CLTC: variants seen among roughly 807,000 people sequenced by gnomAD.
CLTC encodes the protein clathrin heavy chain.
A neutral mutation model predicts 195.8 loss-of-function variants in CLTC; 16 were observed. The ratio of observed to expected loss-of-function variants is 0.08; its 90% CI spans 0.06 to 0.12. CLTC has a LOEUF of 0.12. Ranked by LOEUF, CLTC falls within the 10% of genes least tolerant of loss-of-function variation. The pLI is 1.00. For missense variants in CLTC, 796 were observed against 2,027.0 expected (o/e 0.39, Z 11.66); for synonymous variants, 667 against 689.4 (o/e 0.97, Z 0.51).
chr17:59,647,794 T>G (rs554036467), intron 3 of CLTC, 128 bp downstream of exon 3: 1 of 820,380 alleles, frequency 1.2e-6, no homozygotes, highest in South Asian at 1.8e-5. Context: ...TTGGAAGACT[T>G]TTTTTTTCCT....
intron 13 of CLTC, among the ~76,000 whole-genome samples, chr17:59,668,080 C>T (rs768931622): frequency 1.3e-5 from 2 of 152,210 alleles, no homozygotes; most frequent in African/African-American, 2.4e-5. Context: ...ACTCTAGCCA[C>T]ATTTCAAGTG....
intron 30 of CLTC, among the ~76,000 whole-genome samples, chr17:59,686,190 C>G (rs2033179744): frequency 6.6e-6 from 1 of 151,844 alleles, no homozygotes; most frequent in African/African-American, 2.4e-5. Flanking sequence ...ATGTCTATGC[C>G]TGTTTCCCCT....
In CLTC at chr17:59,685,047, T is replaced by A. The variant is rs1046812249; in HGVS notation, c.4435-9T>A. 1.3e-6 allele frequency: 2 copies of A among 1,503,246 alleles called. No homozygotes were observed. The highest frequency in any genetic ancestry group is 2.1e-5 in the Admixed American group (1 of 48,604). 93.1% of individuals were successfully genotyped at this position (1,503,246 alleles called of 1,614,324 possible). On this transcript the variant is annotated splice_polypyrimidine_tract_variant and intron_variant, in intron 28 of 31. Transcript: ENST00000269122. The surrounding 1 kb of genome is among the most constrained non-coding windows in gnomAD (Gnocchi z 5.0). Reference sequence around the variant, plus strand: ...TGATCTGGCATTTGGATGGCTTTTTTTTTTTAAGGCTCTGCGAACATCAAT... The same window carrying A: ...TGATCTGGCATTTGGATGGCTTTTTATTTTTAAGGCTCTGCGAACATCAAT...
intron 1 of CLTC, among the ~76,000 whole-genome samples, chr17:59,627,513 T>C (rs963083951): frequency 2.6e-5 from 4 of 152,212 alleles, no homozygotes; most frequent in Non-Finnish European, 5.9e-5. Context: ...ATGGTCTGTA[T>C]CATTTGAATT....
Position 59,674,908 on chromosome 17 carries a change from G to A in CLTC, c.2561+65G>A, listed in dbSNP as rs928406712. ...AACATGGCAATAGATAAAAATATAG[G>A]TAGTCATTTGTTCCAAAGCTACTAA... On this transcript the variant is annotated intron_variant, in intron 16 of 31. Coordinates refer to ENST00000269122, the MANE Select transcript of CLTC (RefSeq NM_004859.4). The A allele has an allele frequency of 8.9e-6, 13 of 1,460,574 alleles. No homozygotes were observed. The African/African-American group carries it at 1.8e-4, about 21-fold the overall frequency. 90.5% of individuals were successfully genotyped at this position (1,460,574 alleles called of 1,614,324 possible).
chr17:59,678,733 G>T (rs1220242306), intron 17 of CLTC, among the ~76,000 whole-genome samples: 5 of 152,176 alleles, frequency 3.3e-5, no homozygotes, highest in Non-Finnish European at 7.4e-5. Flanking sequence ...CAGGTGAGTG[G>T]CTCACTCCTA....
At chr17:59,690,557 A>C in intron 30 of CLTC, 79 bp from the exon 31 acceptor site, 2 of 945,198 alleles carry the variant, frequency 2.1e-6, no homozygotes, top group Non-Finnish European at 1.7e-6. Context: ...TAACATACTA[A>C]GGCTTTTCCA....
chr17:59,632,596 T>C (rs1333159108), intron 1 of CLTC, among the ~76,000 whole-genome samples: 1 of 152,094 alleles, frequency 6.6e-6, no homozygotes, highest in Non-Finnish European at 1.5e-5. Flanking sequence ...TGAGCCGAGA[T>C]TGCGCCACTG....
At chr17:59,629,606 T>C (rs899446359) in intron 1 of CLTC, among the ~76,000 whole-genome samples, 1 of 150,948 alleles carries the variant, frequency 6.6e-6, no homozygotes. Flanking sequence ...CTGCAACTTC[T>C]GCCTCCCGGG....
intron 5 of CLTC, among the ~76,000 whole-genome samples, chr17:59,655,412 G>A (rs2877976): frequency 0.82 from 124,835 of 152,174 alleles, 51,462 homozygotes; most frequent in South Asian, 0.94. Context: ...AGATCAACAT[G>A]ACAGATACAA....
intron 1 of CLTC, among the ~76,000 whole-genome samples, chr17:59,625,520 A>G (rs1158872335): frequency 1.3e-5 from 2 of 152,118 alleles, no homozygotes; most frequent in Admixed American, 1.3e-4. Flanking sequence ...TACAGTTAGA[A>G]AGGCAGATTT....
At chr17:59,645,338 A>G (rs1426156322) in intron 2 of CLTC, among the ~76,000 whole-genome samples, 1 of 152,148 alleles carries the variant, frequency 6.6e-6, no homozygotes, top group African/African-American at 2.4e-5. Flanking sequence ...AGTGAAGGGT[A>G]TTTGAGTTTA....
intron 5 of CLTC, among the ~76,000 whole-genome samples, chr17:59,653,200 ATT>A (rs1382794339): frequency 6.7e-6 from 1 of 148,432 alleles, no homozygotes; most frequent in Non-Finnish European, 1.5e-5. Flanking sequence ...TATTTTATTT[ATT>A]TTTTTTTTTG....
At position 59,681,414 on chromosome 17, in the gene CLTC, A is replaced by G; in HGVS notation, c.3185A>G (p.Asn1062Ser). 5.0e-6 allele frequency: 8 copies of G among 1,614,118 alleles called. No homozygotes were observed. The highest frequency in any genetic ancestry group is 6.8e-6 in the Non-Finnish European group (8 of 1,180,000). Reference protein sequence around the residue: ...APDIANIAISNELFEEAFAIF... With the variant: ...APDIANIAISSELFEEAFAIF... ...GATATTGCCAATATCGCCATCAGCA[A>G]TGAGCTGTTTGAAGAAGCATTTGCC... Residue 1062 changes from asparagine (N) to serine (S), a missense_variant, in exon 20 of 32, where the codon AAT becomes AGT. Physicochemically the swap from Asn to Ser is conservative, Grantham distance 46. Transcript: ENST00000269122. This position sits in a 1 kb window ranked among gnomAD's most constrained non-coding sequence, Gnocchi z 5.0.
chr17:59,652,931 T>A (rs757282637), intron 5 of CLTC, among the ~76,000 whole-genome samples: 43 of 152,344 alleles, frequency 2.8e-4, no homozygotes, highest in Non-Finnish European at 4.7e-4. Flanking sequence ...AGATCTTCCA[T>A]ATAACTTGCT....
In CLTC at chr17:59,663,830, T is replaced by C; in HGVS notation, c.1369-12T>C. The C allele has an allele frequency of 6.2e-7, 1 of 1,606,794 alleles. No individual in the cohort carries two copies. The highest frequency in any genetic ancestry group is 8.5e-7 in the Non-Finnish European group (1 of 1,177,690). ...CATGGATCACTAAACAATCTCTTTT[T>C]CCTTTGGACAGCTGGAATGTTCTGA... On this transcript the variant is annotated splice_polypyrimidine_tract_variant and intron_variant, in intron 8 of 31. Coordinates refer to ENST00000269122, the MANE Select transcript of CLTC (RefSeq NM_004859.4).
intron 1 of CLTC, among the ~76,000 whole-genome samples, chr17:59,635,271 GA>G (rs2031830174): frequency 1.3e-5 from 2 of 152,316 alleles, no homozygotes; most frequent in Admixed American, 1.3e-4. Context: ...CAATAATTGT[GA>G]AACATAAGTC....
At chr17:59,665,693 T>C (rs1567957600) in intron 10 of CLTC, among the ~76,000 whole-genome samples, 1 of 151,832 alleles carries the variant, frequency 6.6e-6, no homozygotes, top group African/African-American at 2.4e-5. Context: ...AACAAAAAAT[T>C]AGCTAGGTGT....
At chr17:59,637,551 T>A (rs986304559) in intron 1 of CLTC, among the ~76,000 whole-genome samples, 1 of 143,522 alleles carries the variant, frequency 7.0e-6, no homozygotes. Context: ...GCCTGAAGTT[T>A]CTTAAAAAAA....
Sources: allele counts gnomAD v4.1 joint callset (sites outside exome capture counted in the v4.1 genomes callset), GRCh38; gene constraint gnomAD v4.1.1; non-coding constraint Gnocchi (gnomAD v3.1); transcripts MANE v1.5; gene names NCBI Gene and HGNC (gene_info 2026-07-23, HGNC 2026-07-21).